The following PLEKHG7 variants were observed in gnomAD, a reference collection of about 807,000 sequenced individuals.
The protein encoded by PLEKHG7 is pleckstrin homology and RhoGEF domain containing G7.
A neutral mutation model predicts 85.2 loss-of-function variants in PLEKHG7; 77 were observed. The ratio of observed to expected loss-of-function variants is 0.90; its 90% CI spans 0.75 to 1.09. The LOEUF (loss-of-function observed/expected upper bound fraction) is 1.09, where lower values mean the gene tolerates loss of function less well. PLEKHG7 is among the 50% of genes least tolerant of loss of function. The pLI is 0.00. For missense variants in PLEKHG7, 777 were observed against 804.3 expected, an observed-to-expected ratio of 0.97 and a Z score of 0.41; for synonymous variants, 301 against 302.4, an observed-to-expected ratio of 1.00 and a Z score of 0.05.
chr12:92,721,517 A>ACTCAGGG, intron 3 of PLEKHG7: 1 of 1,226,016 alleles, frequency 8.2e-7, no homozygotes, highest in Non-Finnish European at 1.0e-6. Flanking sequence ...GGGCAACGCA[A>ACTCAGGG]CTCAGGGTTA....
intron 5 of PLEKHG7, among the ~76,000 whole-genome samples, chr12:92,736,264 A>G (rs1872144340): frequency 2.6e-5 from 4 of 151,852 alleles, no homozygotes; most frequent in Admixed American, 2.6e-4. Flanking sequence ...TGGACAAGGT[A>G]GTCTCACGGG....
At position 92,771,506 on chromosome 12, in the gene PLEKHG7, G is replaced by A. The variant is rs1047184407; in HGVS notation, c.*1311G>A. On this transcript the variant is annotated 3_prime_UTR_variant, in exon 17 of 17. Transcript: ENST00000344636. ...TAGAAGAAAAAAAGGAAAATCTGGA[G>A]GACAGTAACTATTGTTAATAGCTAA... is the stretch of plus-strand genomic sequence containing the variant. 6.6e-6 allele frequency: 1 copy of A among 151,952 alleles called. No individual in the cohort carries two copies. The highest frequency in any genetic ancestry group is 1.5e-5 in the Non-Finnish European group (1 of 67,938). 9.4% of individuals were successfully genotyped at this position (151,952 alleles called of 1,614,324 possible).
At chr12:92,754,834 G>GAACA (rs1422912632) in intron 11 of PLEKHG7, among the ~76,000 whole-genome samples, 2 of 152,062 alleles carry the variant, frequency 1.3e-5, no homozygotes, top group Non-Finnish European at 2.9e-5. Context: ...CAAAAACCAA[G>GAACA]ATTTTCCTCG....
chr12:92,709,633 G>T (rs1215696305), intron 3 of PLEKHG7, among the ~76,000 whole-genome samples: 3 of 152,188 alleles, frequency 2.0e-5, no homozygotes, highest in Non-Finnish European at 1.5e-5. Flanking sequence ...CAGACATAAA[G>T]GCAGATCAAT....
chr12:92,761,809 C>A lies in PLEKHG7; in HGVS notation c.1694C>A (p.Thr565Lys). ...LFLFNDFLLVTKTKCNKKKLG... is the reference protein window; with the variant it reads ...LFLFNDFLLVKKTKCNKKKLG... Reference sequence around the variant, plus strand: ...CTCTTCAATGATTTCCTCTTAGTTACGAAAACTAAGTGCAACAAAAAGGTA... The same window carrying A: ...CTCTTCAATGATTTCCTCTTAGTTAAGAAAACTAAGTGCAACAAAAAGGTA... The change falls in exon 14 of 17, where the codon ACG becomes AAG. Residue 565 changes from threonine to lysine, a missense_variant. Transcript: ENST00000344636. 6.3e-7 allele frequency: 1 copy of A among 1,575,892 alleles called. No homozygotes were observed. The highest frequency in any genetic ancestry group is 1.4e-5 in the African/African-American group (1 of 72,234).
chr12:92,716,427 A>T (rs535332630), intron 3 of PLEKHG7, among the ~76,000 whole-genome samples: 2 of 152,316 alleles, frequency 1.3e-5, no homozygotes, highest in South Asian at 4.1e-4. Flanking sequence ...TGTGTAAGTG[A>T]GAAGTGCCCA....
chr12:92,718,026 A>T (rs1871535120), intron 3 of PLEKHG7, among the ~76,000 whole-genome samples: 1 of 152,222 alleles, frequency 6.6e-6, no homozygotes, highest in Admixed American at 6.5e-5. Context: ...ATATTCTAAC[A>T]TCAGGCACAT....
chr12:92,725,219 G>A (rs1490910319), intron 3 of PLEKHG7, among the ~76,000 whole-genome samples: 2 of 152,152 alleles, frequency 1.3e-5, no homozygotes, highest in Non-Finnish European at 2.9e-5. Flanking sequence ...AAGCTGGGAA[G>A]CACCATTTTG....
intron 13 of PLEKHG7, among the ~76,000 whole-genome samples, chr12:92,760,708 T>C (rs1470370355): frequency 6.6e-6 from 1 of 152,224 alleles, no homozygotes; most frequent in Non-Finnish European, 1.5e-5. Context: ...TGATACTTGG[T>C]TTCTCTTCTA....
chr12:92,750,381 C>T (rs1872659532), intron 10 of PLEKHG7, among the ~76,000 whole-genome samples: 1 of 152,172 alleles, frequency 6.6e-6, no homozygotes. Context: ...TTCTTTTTGT[C>T]TCTTCTGAAG....
chr12:92,703,177 A>T (rs1366307571), intron 1 of PLEKHG7, 45 bp downstream of exon 1: 1 of 152,314 alleles, frequency 6.6e-6, no homozygotes, highest in Non-Finnish European at 1.5e-5. Context: ...TCTCTCTTGC[A>T]CTTTCCTTTT....
At chr12:92,720,324 T>C (rs928079609) in intron 3 of PLEKHG7, among the ~76,000 whole-genome samples, 8 of 39,624 alleles carry the variant, frequency 2.0e-4, no homozygotes, top group African/African-American at 6.5e-4. Context: ...TCTTAGTGTC[T>C]TTTTTTTTTT....
At chr12:92,755,616 A>T (rs1872803790) in intron 11 of PLEKHG7, among the ~76,000 whole-genome samples, 1 of 152,240 alleles carries the variant, frequency 6.6e-6, no homozygotes, top group African/African-American at 2.4e-5. Context: ...AAATTAGCTA[A>T]GCTTGATTTT....
chr12:92,745,671 A>C, intron 10 of PLEKHG7, 80 bp downstream of exon 10: 1 of 906,166 alleles, frequency 1.1e-6, no homozygotes, highest in Non-Finnish European at 1.8e-6. Context: ...ATTATATCTA[A>C]ATTAAATGGG....
chr12:92,758,621 C>G (rs1872902517), intron 13 of PLEKHG7, among the ~76,000 whole-genome samples: 1 of 152,234 alleles, frequency 6.6e-6, no homozygotes, highest in Admixed American at 6.5e-5. Flanking sequence ...CAAACAGACT[C>G]AACTTTTCCA....
chr12:92,730,549 G>A (rs891812748), intron 4 of PLEKHG7, among the ~76,000 whole-genome samples: 1 of 152,120 alleles, frequency 6.6e-6, no homozygotes, highest in Admixed American at 6.5e-5. Flanking sequence ...GTTTGAGACA[G>A]AGTCTCACTC....
At chr12:92,732,816 G>T (rs1453302300) in intron 5 of PLEKHG7, among the ~76,000 whole-genome samples, 1 of 152,164 alleles carries the variant, frequency 6.6e-6, no homozygotes, top group South Asian at 2.1e-4. Context: ...CCTAAGACAA[G>T]GGTGGCCACA....
intron 3 of PLEKHG7, among the ~76,000 whole-genome samples, chr12:92,722,075 A>C (rs992426143): frequency 6.6e-6 from 1 of 152,112 alleles, no homozygotes; most frequent in Non-Finnish European, 1.5e-5. Flanking sequence ...TAAAAAAAAA[A>C]AAACCCTAAT....
chr12:92,754,583 G>A lies in PLEKHG7; in HGVS notation c.1426+319G>A, dbSNP rs550679289. On this transcript the variant is annotated intron_variant, in intron 11 of 16. Coordinates refer to ENST00000344636, the MANE Select transcript of PLEKHG7 (RefSeq NM_001377329.1). ...TGAAGGCACTTTGTTTTTAACAGCC[G>A]TACTGACCCCACACACAAAGCAAAT... Among the ~76,000 whole-genome samples, 50 of 152,246 alleles carry A rather than the reference G, an allele frequency of 3.3e-4. No individual in the cohort carries two copies. In the South Asian group the frequency reaches 5.6e-3, roughly 17 times the overall value.
Sources: allele counts gnomAD v4.1 joint callset (sites outside exome capture counted in the v4.1 genomes callset), GRCh38; gene constraint gnomAD v4.1.1; transcripts MANE v1.5; gene names NCBI Gene and HGNC (gene_info 2026-07-23, HGNC 2026-07-21).